The following RPS6KC1 variants were observed in gnomAD, a reference collection of about 807,000 sequenced individuals.
The protein encoded by RPS6KC1 is ribosomal protein S6 kinase C1.
A neutral mutation model predicts 103.8 loss-of-function variants in RPS6KC1; 54 were observed. The ratio of observed to expected loss-of-function variants is 0.52; its 90% CI spans 0.42 to 0.65. The LOEUF is 0.65. Ranked by LOEUF, RPS6KC1 falls within the 30% of genes least tolerant of loss-of-function variation. RPS6KC1 has a pLI of 0.00. For missense variants in RPS6KC1, 1,151 were observed against 1,253.8 expected (o/e 0.92, Z 1.24); for synonymous variants, 439 against 438.7 (o/e 1.00, Z -0.01).
At chr1:213,124,799 G>T (rs2084790891) in intron 5 of RPS6KC1, among the ~76,000 whole-genome samples, 2 of 152,070 alleles carry the variant, frequency 1.3e-5, no homozygotes, top group African/African-American at 4.8e-5. Context: ...ATGATTGGTT[G>T]CATTGTGTGG....
At chr1:213,190,719 T>G (rs1043247716) in intron 8 of RPS6KC1, among the ~76,000 whole-genome samples, 3 of 152,188 alleles carry the variant, frequency 2.0e-5, no homozygotes, top group Admixed American at 2.0e-4. Context: ...CTCAATAAAT[T>G]TTTGCCCATT....
At chr1:213,764,670 A>G in the RPS6KC1 span, among the ~76,000 whole-genome samples, 1 of 152,220 alleles carries the variant, frequency 6.6e-6, no homozygotes, top group African/African-American at 2.4e-5. Flanking sequence ...GGGGACAGGG[A>G]GTCAGGGAGT....
At chr1:213,386,483 A>T in the RPS6KC1 span, among the ~76,000 whole-genome samples, 3 of 152,200 alleles carry the variant, frequency 2.0e-5, no homozygotes, top group South Asian at 6.2e-4. Flanking sequence ...CTTTGCACAC[A>T]GTGCCCATAT....
At chr1:213,198,541 T>G (rs2093038047) in intron 8 of RPS6KC1, among the ~76,000 whole-genome samples, 1 of 152,206 alleles carries the variant, frequency 6.6e-6, no homozygotes, top group Admixed American at 6.5e-5. Context: ...TTCCCTAAAA[T>G]AAGTTTTCCA....
intron 8 of RPS6KC1, among the ~76,000 whole-genome samples, chr1:213,201,774 T>C (rs1250539371): frequency 6.6e-6 from 1 of 152,222 alleles, no homozygotes; most frequent in Admixed American, 6.5e-5. Flanking sequence ...GAAAAATCAA[T>C]ACAGTCACTG....
chr1:213,826,671 G>C, the RPS6KC1 span, among the ~76,000 whole-genome samples: 10 of 152,170 alleles, frequency 6.6e-5, no homozygotes, highest in African/African-American at 2.4e-4. Context: ...TTATCCAGAG[G>C]TAGCCATGGC....
At chr1:213,218,318 G>A (rs1479416406) in intron 8 of RPS6KC1, among the ~76,000 whole-genome samples, 7 of 152,212 alleles carry the variant, frequency 4.6e-5, no homozygotes, top group African/African-American at 1.2e-4. Context: ...TACAAGGGAC[G>A]TGAAGGACCT....
At chr1:213,541,119 C>T in the RPS6KC1 span, among the ~76,000 whole-genome samples, 1 of 32,946 alleles carries the variant, frequency 3.0e-5, no homozygotes, top group Non-Finnish European at 8.3e-5. Flanking sequence ...GCTCCTGTTA[C>T]TGTTGCTATC....
chr1:213,637,917 A>C, the RPS6KC1 span, among the ~76,000 whole-genome samples: 1 of 152,054 alleles, frequency 6.6e-6, no homozygotes, highest in Non-Finnish European at 1.5e-5. Context: ...CCTGGACTCA[A>C]GTGATCCTCT....
At chr1:213,630,056 T>C in the RPS6KC1 span, among the ~76,000 whole-genome samples, 1 of 152,218 alleles carries the variant, frequency 6.6e-6, no homozygotes, top group African/African-American at 2.4e-5. Context: ...CTGACAATTA[T>C]GTGTCTTGGA....
chr1:213,187,799 TA>T (rs2092595158), intron 8 of RPS6KC1, among the ~76,000 whole-genome samples: 4 of 152,190 alleles, frequency 2.6e-5, no homozygotes, highest in African/African-American at 4.8e-5. Context: ...TAGATATTTA[TA>T]GAATAGTTAT....
intron 14 of RPS6KC1, among the ~76,000 whole-genome samples, chr1:213,268,967 A>G (rs2094976630): frequency 6.6e-6 from 1 of 152,208 alleles, no homozygotes; most frequent in Non-Finnish European, 1.5e-5. Flanking sequence ...AATCTAGAAA[A>G]CAAGTAGCAA....
chr1:213,494,680 A>T, the RPS6KC1 span, among the ~76,000 whole-genome samples: 1 of 152,054 alleles, frequency 6.6e-6, no homozygotes, highest in Non-Finnish European at 1.5e-5. Flanking sequence ...ATAACAGAGA[A>T]TGGAGACCCA....
At chr1:213,742,329 T>G in the RPS6KC1 span, among the ~76,000 whole-genome samples, 8 of 152,220 alleles carry the variant, frequency 5.3e-5, no homozygotes. Context: ...GGTCGGCTAA[T>G]GTGGAGTGAA....
chr1:213,310,202 G>C, the RPS6KC1 span, among the ~76,000 whole-genome samples: 5,040 of 152,232 alleles, frequency 0.033, 108 homozygotes, highest in Middle Eastern at 0.054. Flanking sequence ...AGCAGTCATA[G>C]TGACCCTTTT....
intron 3 of RPS6KC1, among the ~76,000 whole-genome samples, chr1:213,090,726 G>T (rs943324615): frequency 6.6e-6 from 1 of 152,056 alleles, no homozygotes; most frequent in Admixed American, 6.6e-5. Flanking sequence ...AAAAATTATT[G>T]AAGACTTCAA....
At chr1:213,363,144 C>T in the RPS6KC1 span, among the ~76,000 whole-genome samples, 22 of 152,292 alleles carry the variant, frequency 1.4e-4, no homozygotes, top group African/African-American at 4.8e-4. Context: ...TTCTTGGCCT[C>T]ATCTACCCAG....
At chr1:213,698,124 A>G in the RPS6KC1 span, among the ~76,000 whole-genome samples, 1 of 152,192 alleles carries the variant, frequency 6.6e-6, no homozygotes, top group African/African-American at 2.4e-5. Flanking sequence ...TTGACTTATA[A>G]TACTTTCGAC....
the RPS6KC1 span, among the ~76,000 whole-genome samples, chr1:213,837,664 G>A: frequency 2.0e-5 from 3 of 152,106 alleles, no homozygotes; most frequent in African/African-American, 7.2e-5. Flanking sequence ...TATCTTTACA[G>A]CTGAGTGTGT....
Sources: gnomAD v4.1 joint callset for allele counts (sites outside exome capture counted in the v4.1 genomes callset) on GRCh38, gnomAD v4.1.1 for gene constraint, MANE v1.5 for transcripts, NCBI Gene and HGNC (gene_info 2026-07-23, HGNC 2026-07-21) for gene names.